CTNNA1: variants seen among roughly 807,000 people sequenced by gnomAD.
CTNNA1 encodes the protein catenin alpha 1, also known as catenin alpha-1.
CTNNA1 carries 37 observed loss-of-function variants against 98.4 expected under a neutral mutation model. That is an observed-to-expected ratio of 0.38 (90% CI 0.29 to 0.49). CTNNA1 has a LOEUF of 0.49. Ranked by LOEUF, CTNNA1 falls within the 20% of genes least tolerant of loss-of-function variation. CTNNA1 has a pLI of 0.95. For missense variants in CTNNA1, 761 were observed against 1,147.2 expected (o/e 0.66, Z 4.86); for synonymous variants, 404 against 413.2 (o/e 0.98, Z 0.27).
chr5:138,876,356 A>G (rs1751520248), intron 7 of CTNNA1, among the ~76,000 whole-genome samples: 1 of 152,212 alleles, frequency 6.6e-6, no homozygotes, highest in Non-Finnish European at 1.5e-5. Flanking sequence ...AAGGTCACTC[A>G]TGCTTTGGAC....
At chr5:138,872,480 AC>A (rs1210197531) in intron 7 of CTNNA1, 1 of 152,488 alleles carries the variant, frequency 6.6e-6, no homozygotes, top group Non-Finnish European at 1.5e-5. Flanking sequence ...TTTAATATTT[AC>A]CAGTCTTCAG....
At chr5:138,925,977 C>T (rs1478666168) in intron 13 of CTNNA1, among the ~76,000 whole-genome samples, 1 of 152,260 alleles carries the variant, frequency 6.6e-6, no homozygotes, top group Admixed American at 6.5e-5. Context: ...GAGCTCCCGG[C>T]ATACCGTCCT....
intron 1 of CTNNA1, among the ~76,000 whole-genome samples, chr5:138,770,316 GT>G (rs1753399438): frequency 1.3e-5 from 2 of 152,080 alleles, no homozygotes; most frequent in Admixed American, 6.6e-5. Context: ...GACTTCCTCT[GT>G]ATCCATTATC....
intron 3 of CTNNA1, among the ~76,000 whole-genome samples, chr5:138,793,991 A>G (rs1756651778): frequency 6.7e-6 from 1 of 149,312 alleles, no homozygotes; most frequent in South Asian, 2.1e-4. Context: ...ACTTCATATT[A>G]AATGTTTATT....
chr5:138,811,114 C>G (rs1214145945), intron 4 of CTNNA1, among the ~76,000 whole-genome samples: 2 of 151,892 alleles, frequency 1.3e-5, no homozygotes, highest in Non-Finnish European at 1.5e-5. Flanking sequence ...CTCCTCATTT[C>G]TCAGATGGGG....
At chr5:138,821,286 C>T (rs1051400529) in intron 5 of CTNNA1, among the ~76,000 whole-genome samples, 4 of 152,200 alleles carry the variant, frequency 2.6e-5, no homozygotes, top group Non-Finnish European at 5.9e-5. Context: ...CTCATATTGT[C>T]GACTCTGGCT....
chr5:138,871,248 T>C (rs1280059106), intron 7 of CTNNA1: 2 of 152,212 alleles, frequency 1.3e-5, no homozygotes, highest in Non-Finnish European at 2.9e-5. Flanking sequence ...GTAGTGGCTT[T>C]CTCTAAGGTT....
intron 17 of CTNNA1, chr5:138,932,938 C>A (rs1222304686): frequency 1.3e-6 from 1 of 775,218 alleles, no homozygotes; most frequent in East Asian, 2.4e-5. Flanking sequence ...GGCCTCCTCC[C>A]CTTTGCTGGC....
intron 1 of CTNNA1, among the ~76,000 whole-genome samples, chr5:138,767,560 A>G (rs759525231): frequency 1.3e-5 from 2 of 152,160 alleles, no homozygotes; most frequent in Non-Finnish European, 2.9e-5. Context: ...TTAGAACATT[A>G]TACCTTCTAT....
chr5:138,854,212 A>G (rs561252519), intron 7 of CTNNA1, among the ~76,000 whole-genome samples: 94 of 152,358 alleles, frequency 6.2e-4, no homozygotes, highest in Admixed American at 2.0e-3. Flanking sequence ...TGGATATACA[A>G]GTTTCTGAAT....
At chr5:138,837,060 C>T (rs1199654780) in intron 7 of CTNNA1, among the ~76,000 whole-genome samples, 2 of 152,110 alleles carry the variant, frequency 1.3e-5, no homozygotes, top group East Asian at 3.8e-4. Context: ...GTTTTTCACA[C>T]ATTAATATGT....
intron 11 of CTNNA1, among the ~76,000 whole-genome samples, chr5:138,920,423 A>C (rs1010293346): frequency 1.3e-5 from 2 of 152,232 alleles, no homozygotes; most frequent in Admixed American, 6.5e-5. Context: ...GCCCTGCCAC[A>C]TTTGCCAGTG....
intron 4 of CTNNA1, 127 bp downstream of exon 4, chr5:138,810,331 T>C (rs903548115): frequency 1.0e-6 from 1 of 990,350 alleles, no homozygotes; most frequent in East Asian, 2.5e-5. Flanking sequence ...GGACCAGAGA[T>C]GTTTTTGTTT....
At chr5:138,872,718 G>A (rs1750791916) in intron 7 of CTNNA1, 2 of 248,856 alleles carry the variant, frequency 8.0e-6, no homozygotes, top group Admixed American at 9.8e-5. Context: ...GGAGACCTTA[G>A]TGTAAAGGTT....
At chr5:138,887,720 G>A (rs1754389785) in intron 9 of CTNNA1, 78 bp downstream of exon 9, 4 of 1,252,132 alleles carry the variant, frequency 3.2e-6, no homozygotes, top group Non-Finnish European at 2.2e-6. Context: ...TATTTAATCA[G>A]TTAAAATTTG....
chr5:138,870,433 A>C (rs2149916425), intron 7 of CTNNA1: 1 of 152,346 alleles, frequency 6.6e-6, no homozygotes, highest in South Asian at 2.1e-4. Context: ...TGGAAGGCAA[A>C]AAATTTTGAT....
Position 138,873,704 on chromosome 5 carries a change from T to A in CTNNA1, c.1063-12508T>A, listed in dbSNP as rs1414070018. 6.2e-7 allele frequency: 1 copy of A among 1,614,050 alleles called. No homozygotes were observed. Among genetic ancestry groups the A allele is most frequent in the Non-Finnish European group, 8.5e-7 (1 of 1,179,894 alleles). ...GGAATCAAGGCTGTTTAACTTGTTG[T>A]TATCCATGAGGAGTATTTTAAGATT... On this transcript the variant is annotated intron_variant, in intron 7 of 17. Transcript: ENST00000302763. The surrounding 1 kb of genome is among the most constrained non-coding windows in gnomAD (Gnocchi z 6.1).
intron 3 of CTNNA1, among the ~76,000 whole-genome samples, chr5:138,789,758 A>T (rs1159885097): frequency 6.6e-6 from 1 of 152,130 alleles, no homozygotes; most frequent in Admixed American, 6.5e-5. Context: ...ACCCGGCTGC[A>T]GGAGAGGTTT....
intron 9 of CTNNA1, among the ~76,000 whole-genome samples, chr5:138,896,603 A>G (rs1320259487): frequency 1.3e-5 from 2 of 152,178 alleles, no homozygotes; most frequent in Admixed American, 1.3e-4. Flanking sequence ...GGGGAGCAGG[A>G]GCCAGAGGGC....
Sources: gnomAD v4.1 joint callset for allele counts (sites outside exome capture counted in the v4.1 genomes callset) on GRCh38, gnomAD v4.1.1 for gene constraint, Gnocchi (gnomAD v3.1) non-coding constraint, MANE v1.5 for transcripts, NCBI Gene and HGNC (gene_info 2026-07-23, HGNC 2026-07-21) for gene names.